The following ATP2A2 variants were observed in gnomAD, a reference collection of about 807,000 sequenced individuals.
The protein encoded by ATP2A2 is ATPase sarcoplasmic/endoplasmic reticulum Ca2+ transporting 2, also known as sarcoplasmic/endoplasmic reticulum calcium ATPase 2.
A neutral mutation model predicts 109.3 loss-of-function variants in ATP2A2; 14 were observed. The ratio of observed to expected loss-of-function variants is 0.13; its 90% CI spans 0.08 to 0.20. The LOEUF (loss-of-function observed/expected upper bound fraction) is 0.20, where lower values mean the gene tolerates loss of function less well. Among genes scored for constraint, ATP2A2 ranks in the 10% least tolerant of loss-of-function variants. The pLI is 1.00. For synonymous variants in ATP2A2, 506 were observed against 490.9 expected, an observed-to-expected ratio of 1.03 and a Z score of -0.41; for missense variants, 657 against 1,321.6, an observed-to-expected ratio of 0.50 and a Z score of 7.80.
rs1879490079 is a variant in ATP2A2, at chr12:110,342,885, T to TG, written c.2319-346dup. ...TCCCGAACAGCTGGGATTACAGGCA[T>TG]GCGCCACCACTCCCTGCCATTTTTT... is the stretch of plus-strand genomic sequence containing the variant. On this transcript the variant is annotated intron_variant, in intron 15 of 19. Transcript: ENST00000539276. The surrounding 1 kb of genome is among the most constrained non-coding windows in gnomAD (Gnocchi z 4.6). 6.6e-6 allele frequency among the ~76,000 whole-genome samples: 1 copy of TG among 152,130 alleles called. No homozygotes were observed. Among genetic ancestry groups the TG allele is most frequent in the African/African-American group, 2.4e-5 (1 of 41,434 alleles).
At chr12:110,286,612 G>A (rs1872687713) in intron 3 of ATP2A2, among the ~76,000 whole-genome samples, 1 of 151,108 alleles carries the variant, frequency 6.6e-6, no homozygotes, top group South Asian at 2.1e-4. Context: ...ATTAATGACT[G>A]AAAGTCCTCC....
intron 3 of ATP2A2, among the ~76,000 whole-genome samples, chr12:110,283,783 G>C (rs953465838): frequency 6.6e-6 from 1 of 152,074 alleles, no homozygotes; most frequent in African/African-American, 2.4e-5. Flanking sequence ...AAACTTCACG[G>C]TTTCAGTTCT....
intron 4 of ATP2A2, chr12:110,296,380 T>C: frequency 1.8e-6 from 1 of 569,718 alleles, no homozygotes; most frequent in Non-Finnish European, 3.1e-6. Context: ...CATTGTTTTA[T>C]CCCCTTAGCT....
In ATP2A2 at chr12:110,340,915, G is replaced by A. The variant is rs780415691; in HGVS notation, c.2018G>A (p.Arg673His). 4.2e-5 allele frequency: 67 copies of A among 1,614,198 alleles called. No individual in the cohort carries two copies. The highest frequency in any genetic ancestry group is 3.8e-5 in the Non-Finnish European group (45 of 1,180,038). The stretch of plus-strand genomic sequence containing the variant: ...CAGCGAGACGCCTGCCTGAACGCCC[G>A]CTGTTTTGCTCGAGTTGAACCCTCC... Reference protein sequence around the residue: ...SAQRDACLNARCFARVEPSHK... With the variant: ...SAQRDACLNAHCFARVEPSHK... The change falls in exon 14 of 20, where the codon CGC (arginine) becomes CAC (histidine). Residue 673 changes from arginine to histidine, a missense_variant. Transcript: ENST00000539276. The surrounding 1 kb of genome is among the most constrained non-coding windows in gnomAD (Gnocchi z 6.0).
chr12:110,334,170 T>C, intron 11 of ATP2A2, 27 bp downstream of exon 11: 1 of 1,613,028 alleles, frequency 6.2e-7, no homozygotes, highest in Non-Finnish European at 8.5e-7. Flanking sequence ...GGTTTATTGT[T>C]CATGCTGCTT....
chr12:110,313,198 A>T (rs560110704), intron 5 of ATP2A2, among the ~76,000 whole-genome samples: 1 of 151,604 alleles, frequency 6.6e-6, no homozygotes, highest in Admixed American at 6.6e-5. Flanking sequence ...TCTACTCCCC[A>T]TGATTCAGTG....
chr12:110,306,192 C>T (rs1875303554), intron 5 of ATP2A2, among the ~76,000 whole-genome samples: 1 of 152,176 alleles, frequency 6.6e-6, no homozygotes. Context: ...GCGCCTGCCA[C>T]CATGCCCAGC....
chr12:110,295,857 C>G (rs1277042083), intron 4 of ATP2A2: 2 of 152,272 alleles, frequency 1.3e-5, no homozygotes, highest in Admixed American at 6.5e-5. Context: ...GTCTTTACAA[C>G]TGGAGGGATA....
chr12:110,334,606 T>G (rs1239102723), intron 11 of ATP2A2, among the ~76,000 whole-genome samples: 1 of 149,654 alleles, frequency 6.7e-6, no homozygotes, highest in African/African-American at 2.5e-5. Flanking sequence ...TTTTTTTTTT[T>G]GAGACAGAGT....
At chr12:110,288,766 T>A (rs1872944031) in intron 3 of ATP2A2, among the ~76,000 whole-genome samples, 1 of 152,198 alleles carries the variant, frequency 6.6e-6, no homozygotes, top group South Asian at 2.1e-4. Flanking sequence ...TTTTCCCAGT[T>A]CCTTGTATAA....
Position 110,327,533 on chromosome 12 carries a change from G to A in ATP2A2, c.631-20G>A. On this transcript the variant is annotated intron_variant, in intron 7 of 19. Transcript: ENST00000539276. The surrounding 1 kb of genome is among the most constrained non-coding windows in gnomAD (Gnocchi z 4.4). Reference sequence around the variant, plus strand: ...GGATGTGGTATTCATCTTGTGACCAGTTCTCTACTTCTGTCCTAGGGTACA... The same window carrying A: ...GGATGTGGTATTCATCTTGTGACCAATTCTCTACTTCTGTCCTAGGGTACA... The A allele has an allele frequency of 1.9e-6, 3 of 1,608,554 alleles. No individual in the cohort carries two copies. The highest frequency in any genetic ancestry group is 2.6e-6 in the Non-Finnish European group (3 of 1,174,970).
At chr12:110,290,838 A>G (rs530951736) in intron 3 of ATP2A2, among the ~76,000 whole-genome samples, 2 of 152,178 alleles carry the variant, frequency 1.3e-5, no homozygotes, top group South Asian at 4.1e-4. Context: ...TCCTGACCTC[A>G]GGCGATCTAC....
chr12:110,281,840 C>T lies in ATP2A2; in HGVS notation c.51C>T (p.Gly17=), dbSNP rs1028945174. 1.3e-6 allele frequency: 2 copies of T among 1,566,136 alleles called. No individual in the cohort carries two copies. The highest frequency in any genetic ancestry group is 1.9e-5 in the Admixed American group (1 of 52,838). The change falls in exon 1 of 20, where the codon GGC becomes GGT. Residue 17 remains glycine (G), a synonymous_variant. Coordinates refer to ENST00000539276, the MANE Select transcript of ATP2A2 (RefSeq NM_170665.4). ...KTVEEVLGHF[G]VNESTGLSLE... ...TGGAGGAGGTGCTGGGCCACTTCGG[C>T]GTCAACGAGAGTACGGGGCTGAGCC...
Position 110,347,562 on chromosome 12 carries a change from G to A in ATP2A2, c.*1092G>A. ...CCTGGTATAGAGAACATAAGGGCAA[G>A]TGTGTATGTGTGTGTATGTGTGTGT... On this transcript the variant is annotated 3_prime_UTR_variant, in exon 20 of 20. Transcript: ENST00000539276. The A allele has an allele frequency of 8.1e-7, 1 of 1,241,196 alleles. No homozygotes were observed. The highest frequency in any genetic ancestry group is 1.3e-5 in the South Asian group (1 of 74,612). 76.9% of individuals were successfully genotyped at this position (1,241,196 alleles called of 1,614,324 possible). A position where few individuals can be genotyped will look rare whatever the true frequency, so the allele number is the denominator to read the frequency against.
Position 110,342,200 on chromosome 12 carries a change from C to T in ATP2A2, c.2098-28C>T, listed in dbSNP as rs770996956. On this transcript the variant is annotated intron_variant, in intron 14 of 19. Coordinates refer to ENST00000539276, the MANE Select transcript of ATP2A2 (RefSeq NM_170665.4). This position sits in a 1 kb window ranked among gnomAD's most constrained non-coding sequence, Gnocchi z 4.6. ...GGTATGAATGTGGCATGCCAGTTGGCTGACCCAACCATTGCTTTCCCTTTC... is the reference window on the plus strand; with the variant it reads ...GGTATGAATGTGGCATGCCAGTTGGTTGACCCAACCATTGCTTTCCCTTTC... 12 of 1,613,522 alleles carry T rather than the reference C, an allele frequency of 7.4e-6. No individual in the cohort carries two copies. Among genetic ancestry groups the T allele is most frequent in the Non-Finnish European group, 1.0e-5 (12 of 1,179,504 alleles).
chr12:110,348,161 CTACT>C lies in ATP2A2; in HGVS notation c.*1694_*1697del, dbSNP rs981933209. On this transcript the variant is annotated 3_prime_UTR_variant, in exon 20 of 20. Coordinates refer to ENST00000539276, the MANE Select transcript of ATP2A2 (RefSeq NM_170665.4). ...TGCCAGGAGTCATCCCAGAACATTG[CTACT>C]TATTTATTAAAAAGCTAAAAACTAG... 3 of 985,322 alleles carry C rather than the reference CTACT, an allele frequency of 3.0e-6. No individual in the cohort carries two copies. In the African/African-American group the frequency reaches 5.2e-5, roughly 17 times the overall value. 61.0% of individuals were successfully genotyped at this position (985,322 alleles called of 1,614,324 possible). A position where few individuals can be genotyped will look rare whatever the true frequency, so the allele number is the denominator to read the frequency against.
chr12:110,308,572 G>A (rs564010992), intron 5 of ATP2A2, among the ~76,000 whole-genome samples: 1 of 152,288 alleles, frequency 6.6e-6, no homozygotes, highest in African/African-American at 2.4e-5. Flanking sequence ...AAAGCATACC[G>A]TGACTGTATA....
At chr12:110,343,833 G>A (rs771133407) in intron 16 of ATP2A2, among the ~76,000 whole-genome samples, 1 of 152,090 alleles carries the variant, frequency 6.6e-6, no homozygotes, top group Non-Finnish European at 1.5e-5. Context: ...GCAGTGGCTG[G>A]TCCCTTTTAT....
chr12:110,344,919 C>G lies in ATP2A2; in HGVS notation c.2555C>G (p.Ala852Gly). 1 of 1,614,214 alleles carries G rather than the reference C, an allele frequency of 6.2e-7. No individual in the cohort carries two copies. Among genetic ancestry groups the G allele is most frequent in the Non-Finnish European group, 8.5e-7 (1 of 1,180,028 alleles). ...YVGAATVGAA[A>G]WWFIAADGGP... ...GGCGCTGCTACCGTGGGTGCTGCTG[C>G]ATGGTGGTTCATTGCTGCTGACGGT... Residue 852 changes from alanine (A) to glycine (G), a missense_variant, in exon 17 of 20, where the codon GCA becomes GGA. Coordinates refer to ENST00000539276, the MANE Select transcript of ATP2A2 (RefSeq NM_170665.4).
Sources: allele counts gnomAD v4.1 joint callset (sites outside exome capture counted in the v4.1 genomes callset), GRCh38; gene constraint gnomAD v4.1.1; non-coding constraint Gnocchi (gnomAD v3.1); transcripts MANE v1.5; gene names NCBI Gene and HGNC (gene_info 2026-07-23, HGNC 2026-07-21).